Variants in ATP13A4 observed in about 807,000 individuals in gnomAD.
ATP13A4 encodes the protein probable cation-transporting ATPase 13A4.
In ATP13A4, 114 loss-of-function variants were observed where a neutral mutation model predicts 142.5. The ratio of observed to expected loss-of-function variants is 0.80; its 90% CI spans 0.69 to 0.93. The LOEUF (loss-of-function observed/expected upper bound fraction) is 0.93, where lower values mean the gene tolerates loss of function less well. ATP13A4 is among the 40% of genes least tolerant of loss of function. The pLI is 0.00. For missense variants in ATP13A4, 1,392 were observed against 1,454.0 expected, an observed-to-expected ratio of 0.96 and a Z score of 0.69; for synonymous variants, 488 against 514.8, an observed-to-expected ratio of 0.95 and a Z score of 0.70.
At chr3:193,441,815 G>T (rs1410278182) in intron 19 of ATP13A4, among the ~76,000 whole-genome samples, 1 of 152,144 alleles carries the variant, frequency 6.6e-6, no homozygotes, top group African/African-American at 2.4e-5. Context: ...ATCGTGATTT[G>T]ATCTTGGTGA....
chr3:193,502,411 A>C, intron 3 of ATP13A4, 82 bp downstream of exon 3: 1 of 1,477,766 alleles, frequency 6.8e-7, no homozygotes, highest in Non-Finnish European at 9.4e-7. Flanking sequence ...TTGGCACAGT[A>C]GAGGAGCTAC....
At chr3:193,504,316 C>G (rs551709755) in intron 2 of ATP13A4, among the ~76,000 whole-genome samples, 16 of 152,274 alleles carry the variant, frequency 1.1e-4, no homozygotes, top group Admixed American at 1.3e-4. Flanking sequence ...GCAACCAACT[C>G]TCTTGAACAA....
In ATP13A4 at chr3:193,414,718, G is replaced by C; in HGVS notation, c.2875C>G (p.Pro959Ala). The change falls in exon 26 of 30, where the codon CCT (proline) becomes GCT (alanine). Residue 959 changes from proline to alanine, a missense_variant. By Grantham distance (27) the Pro-to-Ala change is conservative. Transcript: ENST00000342695. ...NLNGAYPKLV[P>A]FRPAGRLISP... is the part of the protein sequence containing the mutation. ...ATCAGCCGTCCTGCAGGTCTGAAAG[G>C]CACCAGCTTAGGGTAGGCACCATTC... 6.2e-7 allele frequency: 1 copy of C among 1,614,100 alleles called. No individual in the cohort carries two copies. The highest frequency in any genetic ancestry group is 8.5e-7 in the Non-Finnish European group (1 of 1,180,000).
intron 1 of ATP13A4, among the ~76,000 whole-genome samples, chr3:193,582,672 TACATATATATTATATATGTGTATA>T (rs1724581753): frequency 4.2e-5 from 3 of 71,204 alleles, no homozygotes; most frequent in Admixed American, 1.6e-4. Flanking sequence ...ATATGTATAT[TACATATATATTATATATGTGTATA>T]ACATATATAA....
rs561131897 is a variant in ATP13A4, at chr3:193,513,268, C to G, written c.234+1430G>C. Among the ~76,000 whole-genome samples, 8 of 152,194 alleles carry G rather than the reference C, an allele frequency of 5.3e-5. No individual in the cohort carries two copies. The South Asian group carries it at 1.7e-3, about 32-fold the overall frequency. ...TCACCTCTGTTAGATTTCTTTTTGGCCAGTTATAAGGCTGATTGCTATCCT... is the reference window on the plus strand; with the variant it reads ...TCACCTCTGTTAGATTTCTTTTTGGGCAGTTATAAGGCTGATTGCTATCCT... On this transcript the variant is annotated intron_variant, in intron 2 of 29. Transcript: ENST00000342695.
intron 27 of ATP13A4, among the ~76,000 whole-genome samples, chr3:193,411,615 A>G (rs748400011): frequency 7.2e-5 from 11 of 152,220 alleles, no homozygotes; most frequent in Non-Finnish European, 1.5e-4. Context: ...GATGATATAC[A>G]AATAAATGTC....
intron 29 of ATP13A4, among the ~76,000 whole-genome samples, chr3:193,406,219 T>C (rs539779998): frequency 6.6e-6 from 1 of 152,260 alleles, no homozygotes; most frequent in Admixed American, 6.5e-5. Context: ...GTTTAGCATA[T>C]AGAGAGAAGT....
chr3:193,522,810 T>C (rs1174101867), intron 1 of ATP13A4, among the ~76,000 whole-genome samples: 1 of 152,234 alleles, frequency 6.6e-6, no homozygotes, highest in South Asian at 2.1e-4. Context: ...GGCATCATCC[T>C]AATCTTTTTG....
At chr3:193,507,340 T>TC (rs1382158901) in intron 2 of ATP13A4, among the ~76,000 whole-genome samples, 2 of 152,198 alleles carry the variant, frequency 1.3e-5, no homozygotes, top group Non-Finnish European at 2.9e-5. Context: ...TCATTTTTTT[T>TC]CTTTCTCTTT....
At chr3:193,520,670 G>A (rs1422086838) in intron 1 of ATP13A4, among the ~76,000 whole-genome samples, 2 of 152,088 alleles carry the variant, frequency 1.3e-5, no homozygotes, top group African/African-American at 2.4e-5. Flanking sequence ...TGAAGTCCCA[G>A]TCTTGTATAC....
intron 2 of ATP13A4, among the ~76,000 whole-genome samples, chr3:193,578,495 G>A (rs116380753): frequency 6.6e-6 from 1 of 152,216 alleles, no homozygotes; most frequent in African/African-American, 2.4e-5. Context: ...AGAGAGTGTG[G>A]TGATTCATTT....
At chr3:193,467,921 G>A (rs944941961) in intron 9 of ATP13A4, among the ~76,000 whole-genome samples, 20 of 152,160 alleles carry the variant, frequency 1.3e-4, no homozygotes, top group African/African-American at 4.3e-4. Context: ...GCTCATGCCT[G>A]TAATCCCAGT....
intron 18 of ATP13A4, among the ~76,000 whole-genome samples, chr3:193,444,835 C>T (rs1199166029): frequency 1.3e-5 from 2 of 152,152 alleles, no homozygotes; most frequent in Non-Finnish European, 2.9e-5. Flanking sequence ...CTCAAAAGAG[C>T]CGAAGTGGTA....
chr3:193,552,102 T>C (rs1723611999), intron 1 of ATP13A4, among the ~76,000 whole-genome samples: 1 of 152,176 alleles, frequency 6.6e-6, no homozygotes. Context: ...GCCTCCCAAG[T>C]AGCTGGGACT....
intron 8 of ATP13A4, among the ~76,000 whole-genome samples, chr3:193,480,999 T>C (rs916317461): frequency 3.3e-5 from 5 of 152,220 alleles, no homozygotes; most frequent in Non-Finnish European, 7.3e-5. Context: ...TTGGAGACTA[T>C]TATTCTAAGC....
chr3:193,433,769 T>C (rs1716104101), intron 25 of ATP13A4, 76 bp downstream of exon 25: 2 of 1,042,970 alleles, frequency 1.9e-6, no homozygotes, highest in East Asian at 2.4e-5. Context: ...TTCCTCATGG[T>C]AGACAAATCT....
At chr3:193,452,434 A>C (rs1376325447) in intron 17 of ATP13A4, among the ~76,000 whole-genome samples, 1 of 152,186 alleles carries the variant, frequency 6.6e-6, no homozygotes, top group Non-Finnish European at 1.5e-5. Context: ...AGAATGGTCC[A>C]ACAAGCCCAG....
At position 193,478,969 on chromosome 3, in the gene ATP13A4, C is replaced by T. The variant is rs578137298; in HGVS notation, c.808+4967G>A. ...GAATGCAGGGATGATTTAACATCCA[C>T]AAGTCAATAAATGTGATACACCACA... On this transcript the variant is annotated intron_variant, in intron 8 of 29. Coordinates refer to ENST00000342695, the MANE Select transcript of ATP13A4 (RefSeq NM_032279.4). Among the ~76,000 whole-genome samples the T allele has an allele frequency of 6.6e-5, 10 of 152,202 alleles. No individual in the cohort carries two copies. In the South Asian group the frequency reaches 2.1e-3, roughly 32 times the overall value.
intron 1 of ATP13A4, among the ~76,000 whole-genome samples, chr3:193,518,173 CA>C (rs781598438): frequency 1.3e-5 from 2 of 151,582 alleles, no homozygotes; most frequent in Non-Finnish European, 2.9e-5. Flanking sequence ...AGTTGGAGAG[CA>C]AAAAAAACCA....
Sources: allele counts gnomAD v4.1 joint callset (sites outside exome capture counted in the v4.1 genomes callset), GRCh38; gene constraint gnomAD v4.1.1; transcripts MANE v1.5; gene names NCBI Gene and HGNC (gene_info 2026-07-23, HGNC 2026-07-21).